SPAG16: variants seen among roughly 807,000 people sequenced by gnomAD.
SPAG16 encodes the protein sperm-associated antigen 16 protein.
In SPAG16, 86 loss-of-function variants were observed where a neutral mutation model predicts 80.4. The observed-to-expected ratio is 1.07, with a 90% confidence interval of 0.90 to 1.28. The LOEUF is 1.28. SPAG16 is among the 50% of genes most tolerant of loss of function. The pLI, the probability that SPAG16 is intolerant of heterozygous loss-of-function variation, is 0.00. For synonymous variants in SPAG16, 294 were observed against 265.9 expected, an observed-to-expected ratio of 1.11 and a Z score of -1.03; for missense variants, 870 against 765.3, an observed-to-expected ratio of 1.14 and a Z score of -1.61.
chr2:214,350,706 A>G (rs1487405220), intron 15 of SPAG16, among the ~76,000 whole-genome samples: 1 of 152,142 alleles, frequency 6.6e-6, no homozygotes, highest in African/African-American at 2.4e-5. Context: ...GATTCTGCCT[A>G]AGAGAATCTC....
intron 10 of SPAG16, among the ~76,000 whole-genome samples, chr2:213,606,458 G>A (rs953365843): frequency 1.2e-4 from 19 of 152,088 alleles, no homozygotes; most frequent in African/African-American, 4.6e-4. Flanking sequence ...GATTTATATT[G>A]ATATCTCATT....
intron 15 of SPAG16, among the ~76,000 whole-genome samples, chr2:214,390,091 A>T (rs1036899218): frequency 5.9e-5 from 9 of 152,194 alleles, no homozygotes; most frequent in Non-Finnish European, 1.5e-5. Context: ...ACCACAAATA[A>T]AATGTATGAA....
chr2:213,843,201 AATCTT>A (rs759829397), intron 10 of SPAG16, among the ~76,000 whole-genome samples: 1 of 152,118 alleles, frequency 6.6e-6, no homozygotes, highest in Non-Finnish European at 1.5e-5. Context: ...TAAAAAGTAA[AATCTT>A]AACTTCTTAT....
chr2:214,179,886 T>G (rs772938569), intron 15 of SPAG16, among the ~76,000 whole-genome samples: 1 of 151,542 alleles, frequency 6.6e-6, no homozygotes, highest in Non-Finnish European at 1.5e-5. Context: ...TTTAACAGTT[T>G]ATATGTAATA....
intron 11 of SPAG16, among the ~76,000 whole-genome samples, chr2:213,869,988 G>C (rs79289456): frequency 0.017 from 2,594 of 152,254 alleles, 46 homozygotes; most frequent in Non-Finnish European, 0.028. Flanking sequence ...CATATGTCAA[G>C]TATTGCAATT....
intron 11 of SPAG16, among the ~76,000 whole-genome samples, chr2:213,926,669 G>A (rs909201875): frequency 7.2e-4 from 109 of 151,716 alleles, no homozygotes; most frequent in Admixed American, 1.7e-3. Flanking sequence ...TACGTCGTTT[G>A]ATCTTTTTAT....
In SPAG16 at chr2:214,261,401, G is replaced by A. The variant is rs73083004; in HGVS notation, c.1720+112135G>A. Among the ~76,000 whole-genome samples, 811 of 152,142 alleles carry A rather than the reference G, an allele frequency of 5.3e-3. 7 individuals are homozygous for A. The highest frequency in any genetic ancestry group is 0.019 in the African/African-American group (776 of 41,506). ...CTTTTCTAGTCTGGCGGCTAAGAAA[G>A]CTCTGCCTTTATAACAAAACTGTTT... is the stretch of plus-strand genomic sequence containing the variant. On this transcript the variant is annotated intron_variant, in intron 15 of 15. Transcript: ENST00000331683.
chr2:213,483,840 G>T (rs548086101), intron 9 of SPAG16, among the ~76,000 whole-genome samples: 1 of 152,146 alleles, frequency 6.6e-6, no homozygotes, highest in Admixed American at 6.5e-5. Flanking sequence ...AATTTTTGTG[G>T]GTTAGCCTTT....
At chr2:214,086,157 A>G (rs950009374) in intron 13 of SPAG16, among the ~76,000 whole-genome samples, 2 of 152,194 alleles carry the variant, frequency 1.3e-5, no homozygotes, top group Non-Finnish European at 2.9e-5. Flanking sequence ...AACTTCTGAC[A>G]GTGACACTGC....
chr2:214,389,119 A>G (rs1378453933), intron 15 of SPAG16, among the ~76,000 whole-genome samples: 2 of 152,228 alleles, frequency 1.3e-5, no homozygotes, highest in Non-Finnish European at 2.9e-5. Context: ...ACAAAGGCAT[A>G]TGTAACCCAC....
chr2:214,041,009 G>A (rs907720609), intron 13 of SPAG16, among the ~76,000 whole-genome samples: 1 of 151,618 alleles, frequency 6.6e-6, no homozygotes, highest in African/African-American at 2.4e-5. Flanking sequence ...TCCATTTTAA[G>A]CACTTTCTTT....
chr2:214,078,421 T>G (rs537528832), intron 13 of SPAG16, among the ~76,000 whole-genome samples: 2 of 150,978 alleles, frequency 1.3e-5, no homozygotes, highest in Admixed American at 6.6e-5. Flanking sequence ...CTGGGCATGG[T>G]GGCGCACTCC....
In SPAG16 at chr2:213,338,073, C is replaced by T. The variant is rs538709467; in HGVS notation, c.537-2090C>T. Among the ~76,000 whole-genome samples, 19 of 152,246 alleles carry T rather than the reference C, an allele frequency of 1.2e-4. 1 individual carries two copies. In the South Asian group the frequency reaches 3.3e-3, roughly 27 times the overall value. ...ATAGTGGGGGCCAATATTCGACACT[C>T]TTAAAAGAATTTCCAACCTAGAGTT... On this transcript the variant is annotated intron_variant, in intron 5 of 15. Transcript: ENST00000331683.
intron 10 of SPAG16, among the ~76,000 whole-genome samples, chr2:213,540,525 T>C (rs1305474044): frequency 4.6e-5 from 7 of 152,204 alleles, no homozygotes; most frequent in Admixed American, 4.6e-4. Flanking sequence ...TTACATTTCA[T>C]TTTCTGTCAT....
chr2:213,428,004 T>G (rs2070047652), intron 9 of SPAG16, among the ~76,000 whole-genome samples: 1 of 152,184 alleles, frequency 6.6e-6, no homozygotes, highest in African/African-American at 2.4e-5. Context: ...GTTAAACACA[T>G]CATCAACAGC....
In SPAG16 at chr2:213,284,553, A is replaced by G. The variant is rs1329670035; in HGVS notation, c.70A>G (p.Thr24Ala). ...VLEEALGMGL[T>A]AAGDARDTAD... ...GGAAGAGGCGTTGGGCATGGGTTTG[A>G]CGGCAGCCGGGGACGCGAGGGACAC... The change falls in exon 1 of 16, where the codon ACG (threonine) becomes GCG (alanine). Residue 24 changes from threonine (T) to alanine (A), a missense_variant. Coordinates refer to ENST00000331683, the MANE Select transcript of SPAG16 (RefSeq NM_024532.5). 6.2e-7 allele frequency: 1 copy of G among 1,605,876 alleles called. No homozygotes were observed. The highest frequency in any genetic ancestry group is 1.7e-5 in the Admixed American group (1 of 59,022).
intron 10 of SPAG16, among the ~76,000 whole-genome samples, chr2:213,736,706 A>ATTTTTT (rs10631489): frequency 5.5e-5 from 8 of 145,424 alleles, no homozygotes; most frequent in African/African-American, 2.0e-4. Flanking sequence ...TTTTTAAATA[A>ATTTTTT]TTTTTTTTTT....
intron 15 of SPAG16, among the ~76,000 whole-genome samples, chr2:214,386,102 C>T (rs1349813274): frequency 1.3e-5 from 2 of 151,942 alleles, no homozygotes; most frequent in Admixed American, 1.3e-4. Context: ...GGGCTGGGTG[C>T]GGTGGCTCAT....
At chr2:213,402,536 A>G (rs1259752466) in intron 9 of SPAG16, among the ~76,000 whole-genome samples, 1 of 151,890 alleles carries the variant, frequency 6.6e-6, no homozygotes, top group African/African-American at 2.4e-5. Flanking sequence ...TTAACTTGTC[A>G]TTTAGCATTA....
Sources: allele counts gnomAD v4.1 joint callset (sites outside exome capture counted in the v4.1 genomes callset), GRCh38; gene constraint gnomAD v4.1.1; transcripts MANE v1.5; gene names NCBI Gene and HGNC (gene_info 2026-07-23, HGNC 2026-07-21).